Variants in COMT observed in about 807,000 individuals in gnomAD.
COMT encodes the protein catechol O-methyltransferase.
COMT carries 13 observed loss-of-function variants against 18.9 expected under a neutral mutation model. That is an observed-to-expected ratio of 0.69 (90% CI 0.45 to 1.09). COMT has a LOEUF of 1.09. Ranked by LOEUF, COMT falls within the 50% of genes least tolerant of loss-of-function variation. The pLI is 0.00. For missense variants in COMT, 329 were observed against 361.8 expected, an observed-to-expected ratio of 0.91 and a Z score of 0.73; for synonymous variants, 150 against 160.9, an observed-to-expected ratio of 0.93 and a Z score of 0.51.
In COMT at chr22:19,961,469, C is replaced by T. The variant is rs9332361; in HGVS notation, c.-1+180C>T. On this transcript the variant is annotated intron_variant, in intron 2 of 5. Coordinates refer to ENST00000361682, the MANE Select transcript of COMT (RefSeq NM_000754.4). ...CCCCCTAGGGCGGAGCCTCTGCTTCCCTGTTCTCTTCTGCTCTGTCCTCTG... is the reference window on the plus strand; with the variant it reads ...CCCCCTAGGGCGGAGCCTCTGCTTCTCTGTTCTCTTCTGCTCTGTCCTCTG... Among the ~76,000 whole-genome samples the T allele has an allele frequency of 7.7e-3, 1,177 of 152,328 alleles. 6 individuals carry two copies. The highest frequency in any genetic ancestry group is 0.013 in the Non-Finnish European group (851 of 68,010).
At chr22:19,958,026 G>T (rs1222761942) in intron 1 of COMT, among the ~76,000 whole-genome samples, 1 of 152,050 alleles carries the variant, frequency 6.6e-6, no homozygotes, top group Non-Finnish European at 1.5e-5. Flanking sequence ...ATCTGGTTTA[G>T]TCCCTGTTTT....
At chr22:19,950,396 T>C (rs1941911272) in intron 1 of COMT, among the ~76,000 whole-genome samples, 1 of 152,100 alleles carries the variant, frequency 6.6e-6, no homozygotes, top group Non-Finnish European at 1.5e-5. Flanking sequence ...TTTTATATTT[T>C]TATCTGAACT....
intron 1 of COMT, among the ~76,000 whole-genome samples, chr22:19,945,157 A>G (rs1200371025): frequency 1.3e-5 from 2 of 152,240 alleles, no homozygotes; most frequent in Non-Finnish European, 2.9e-5. Flanking sequence ...AGAACTTCCA[A>G]CCAGACTTCA....
intron 1 of COMT, among the ~76,000 whole-genome samples, chr22:19,947,834 G>A (rs987589172): frequency 3.9e-5 from 6 of 152,148 alleles, no homozygotes; most frequent in South Asian, 4.1e-4. Flanking sequence ...GCTAAGTAAC[G>A]GGTGCTTTTT....
At chr22:19,948,047 T>C (rs1257433808) in intron 1 of COMT, among the ~76,000 whole-genome samples, 1 of 152,222 alleles carries the variant, frequency 6.6e-6, no homozygotes, top group Non-Finnish European at 1.5e-5. Flanking sequence ...TAGGTTATAA[T>C]TGTAGAGCGA....
At chr22:19,950,261 T>TTTTTTTTTTTTTTTTTTTG in intron 1 of COMT, among the ~76,000 whole-genome samples, 294 of 132,782 alleles carry the variant, frequency 2.2e-3, no homozygotes, top group Non-Finnish European at 3.6e-3. Flanking sequence ...TTTTTTTTTT[T>TTTTTTTTTTTTTTTTTTTG]TTCTGTAGAG....
At chr22:19,957,546 G>A in intron 1 of COMT, among the ~76,000 whole-genome samples, 1 of 152,258 alleles carries the variant, frequency 6.6e-6, no homozygotes, top group East Asian at 1.9e-4. Flanking sequence ...AGAAGCTTGG[G>A]CAGGCCTGGC....
intron 1 of COMT, among the ~76,000 whole-genome samples, chr22:19,942,895 G>C (rs576148241): frequency 1.3e-5 from 2 of 152,322 alleles, no homozygotes; most frequent in African/African-American, 4.8e-5. Context: ...ACTGATCTGG[G>C]TTTGCCACTG....
At position 19,962,587 on chromosome 22, in the gene COMT, G is replaced by GTGC. The variant is rs1942219358; in HGVS notation, c.72_74dup (p.Leu26dup). On this transcript the variant is annotated inframe_insertion, in exon 3 of 6. Coordinates refer to ENST00000361682, the MANE Select transcript of COMT (RefSeq NM_000754.4). ...GTTGCTGGGCCTGGTGCTGCTGGTG[G>GTGC]TGCTGCTGCTGCTTCTGAGGCACTG... 2.5e-6 allele frequency: 4 copies of GTGC among 1,579,016 alleles called. No homozygotes were observed. Among genetic ancestry groups the GTGC allele is most frequent in the Non-Finnish European group, 3.4e-6 (4 of 1,162,792 alleles).
chr22:19,963,994 A>G, intron 4 of COMT, 174 bp from the exon 5 acceptor site: 1 of 1,340,186 alleles, frequency 7.5e-7, no homozygotes, highest in Non-Finnish European at 1.0e-6. Flanking sequence ...GGGCAGGGAC[A>G]GAGTGGGGCC....
At chr22:19,964,605 G>C (rs1466518921) in intron 5 of COMT, 5 of 605,542 alleles carry the variant, frequency 8.3e-6, no homozygotes, top group Non-Finnish European at 1.5e-5. Context: ...CACCAGGGCA[G>C]AAACGGCACA....
chr22:19,947,477 A>T (rs1266876044), intron 1 of COMT, among the ~76,000 whole-genome samples: 2 of 152,206 alleles, frequency 1.3e-5, no homozygotes, highest in African/African-American at 4.8e-5. Flanking sequence ...AGTGTGAGCT[A>T]TCTCCAGTGA....
Position 19,963,605 on chromosome 22 carries a change from C to A in COMT, c.329C>A (p.Ser110Tyr). The change falls in exon 4 of 6, where the codon TCC becomes TAC. Residue 110 changes from serine (S) to tyrosine (Y), a missense_variant. Transcript: ENST00000361682. Reference sequence around the variant, plus strand: ...GCCGTGATTCAGGAGCACCAGCCCTCCGTGCTGCTGGAGCTGGGGGCCTAC... The same window carrying A: ...GCCGTGATTCAGGAGCACCAGCCCTACGTGCTGCTGGAGCTGGGGGCCTAC... ...VDAVIQEHQP[S>Y]VLLELGAYCG... is the part of the protein sequence containing the mutation. 1.9e-6 allele frequency: 3 copies of A among 1,612,982 alleles called. No homozygotes were observed. The highest frequency in any genetic ancestry group is 2.5e-6 in the Non-Finnish European group (3 of 1,180,012).
At chr22:19,960,157 C>G (rs1281090141) in intron 1 of COMT, among the ~76,000 whole-genome samples, 1 of 152,240 alleles carries the variant, frequency 6.6e-6, no homozygotes, top group Non-Finnish European at 1.5e-5. Context: ...CAAGTATTAA[C>G]GCAGATTTGG....
chr22:19,964,158 G>A lies in COMT; in HGVS notation c.484-10G>A, dbSNP rs1205397118. ...TGTGAGGACGTGGGCACTGACAGGC[G>A]CTGTTCCAGGTCACCCTTGTGGTTG... On this transcript the variant is annotated splice_polypyrimidine_tract_variant and intron_variant, in intron 4 of 5. Coordinates refer to ENST00000361682, the MANE Select transcript of COMT (RefSeq NM_000754.4). 9 of 1,613,928 alleles carry A rather than the reference G, an allele frequency of 5.6e-6. No individual in the cohort carries two copies. The highest frequency in any genetic ancestry group is 1.7e-5 in the Admixed American group (1 of 60,002).
chr22:19,966,991 G>A lies in COMT; in HGVS notation c.616-1545G>A, dbSNP rs990751336. The A allele has an allele frequency of 6.3e-5, 62 of 985,314 alleles. No homozygotes were observed. The African/African-American group carries it at 1.0e-3, about 16-fold the overall frequency. The allele number at this position is 985,314 out of a possible 1,614,324, so 61.0% of individuals were successfully genotyped here. A position where few individuals can be genotyped will look rare whatever the true frequency, so the allele number is the denominator to read the frequency against. ...TGATGCATGTTTAGCCAGTTCTCCAGGTGGTCTGAGTAGCTGGTAGGAGGC... is the reference window on the plus strand; with the variant it reads ...TGATGCATGTTTAGCCAGTTCTCCAAGTGGTCTGAGTAGCTGGTAGGAGGC... On this transcript the variant is annotated intron_variant, in intron 5 of 5. Coordinates refer to ENST00000361682, the MANE Select transcript of COMT (RefSeq NM_000754.4).
intron 5 of COMT, among the ~76,000 whole-genome samples, chr22:19,966,436 TAAAA>T (rs362115): frequency 3.0e-4 from 40 of 135,248 alleles, no homozygotes; most frequent in African/African-American, 4.2e-4. Flanking sequence ...AGTTCCCCCT[TAAAA>T]AAAAAAAAAA....
In COMT at chr22:19,964,171, A is replaced by G; in HGVS notation, c.487A>G (p.Thr163Ala). The change falls in exon 5 of 6, where the codon ACC (threonine) becomes GCC (alanine). Residue 163 changes from threonine to alanine, a missense_variant. By Grantham distance (58) the Thr-to-Ala change is moderately conservative. Coordinates refer to ENST00000361682, the MANE Select transcript of COMT (RefSeq NM_000754.4). ...GCACTGACAGGCGCTGTTCCAGGTC[A>G]CCCTTGTGGTTGGAGCGTCCCAGGA... The part of the protein sequence containing the change: ...VDFAGVKDKV[T>A]LVVGASQDII... The G allele has an allele frequency of 6.2e-7, 1 of 1,613,974 alleles. No homozygotes were observed. The highest frequency in any genetic ancestry group is 1.1e-5 in the South Asian group (1 of 91,078).
Position 19,961,397 on chromosome 22 carries a change from G to C in COMT, c.-1+108G>C, listed in dbSNP as rs571937652. On this transcript the variant is annotated intron_variant, in intron 2 of 5. Transcript: ENST00000361682. Reference sequence around the variant, plus strand: ...CATGTCCACTCTGCCTGTGTAAATAGGCCACATGGCCTGAAATCCCCTAGA... The same window carrying C: ...CATGTCCACTCTGCCTGTGTAAATACGCCACATGGCCTGAAATCCCCTAGA... 6 of 152,506 alleles carry C rather than the reference G, an allele frequency of 3.9e-5. No homozygotes were observed. In the East Asian group the frequency reaches 1.2e-3, roughly 29 times the overall value. 9.4% of individuals were successfully genotyped at this position (152,506 alleles called of 1,614,324 possible).
Sources: allele counts gnomAD v4.1 joint callset (sites outside exome capture counted in the v4.1 genomes callset), GRCh38; gene constraint gnomAD v4.1.1; transcripts MANE v1.5; gene names NCBI Gene and HGNC (gene_info 2026-07-23, HGNC 2026-07-21).